CELF6: variants seen among roughly 807,000 people sequenced by gnomAD.
CELF6 encodes CUGBP Elav-like family member 6, also known as Bruno -like 6, RNA binding protein.
A neutral mutation model predicts 53.1 loss-of-function variants in CELF6; 32 were observed. The ratio of observed to expected loss-of-function variants is 0.60; its 90% confidence interval spans 0.46 to 0.81. The LOEUF (loss-of-function observed/expected upper bound fraction) is 0.81, where lower values mean the gene tolerates loss of function less well. Among genes scored for constraint, CELF6 ranks in the 30% least tolerant of loss-of-function variants. The pLI is 0.00. For missense variants in CELF6, 539 were observed against 669.5 expected (o/e 0.81, Z 2.15); for synonymous variants, 291 against 288.8 (o/e 1.01, Z -0.08).
chr15:72,299,691 T>A (rs1324137152), intron 3 of CELF6, among the ~76,000 whole-genome samples: 1 of 152,210 alleles, frequency 6.6e-6, no homozygotes, highest in Non-Finnish European at 1.5e-5. Flanking sequence ...ACTATGTGTA[T>A]TTAATGTATG....
intron 12 of CELF6, among the ~76,000 whole-genome samples, 167 bp from the exon 13 acceptor site, chr15:72,286,509 C>CCGT (rs1264541782): frequency 1.3e-5 from 2 of 152,192 alleles, no homozygotes; most frequent in African/African-American, 4.8e-5. Flanking sequence ...GGCAGCAGCC[C>CCGT]CGTCCACTGA....
At chr15:72,304,267 G>T (rs2088195844) in intron 3 of CELF6, among the ~76,000 whole-genome samples, 1 of 152,094 alleles carries the variant, frequency 6.6e-6, no homozygotes, top group Non-Finnish European at 1.5e-5. Flanking sequence ...ACTTACTATG[G>T]CCCATAAAGT....
intron 3 of CELF6, among the ~76,000 whole-genome samples, chr15:72,304,195 G>T (rs2088194932): frequency 6.6e-6 from 1 of 152,106 alleles, no homozygotes; most frequent in Non-Finnish European, 1.5e-5. Flanking sequence ...AAGGAGCTCT[G>T]TTTTTTCTCT....
intron 3 of CELF6, 105 bp from the exon 4 acceptor site, chr15:72,290,360 G>GCTTCC: frequency 7.3e-7 from 1 of 1,373,254 alleles, no homozygotes; most frequent in Non-Finnish European, 9.8e-7. Flanking sequence ...ACTCTGGGAA[G>GCTTCC]CAGAGGGAGT....
chr15:72,304,272 T>C (rs1259585937), intron 3 of CELF6, among the ~76,000 whole-genome samples: 1 of 152,174 alleles, frequency 6.6e-6, no homozygotes, highest in African/African-American at 2.4e-5. Flanking sequence ...CTATGGCCCA[T>C]AAAGTCTGTC....
At chr15:72,316,317 C>T (rs1468297475) in intron 1 of CELF6, among the ~76,000 whole-genome samples, 3 of 152,208 alleles carry the variant, frequency 2.0e-5, no homozygotes, top group African/African-American at 2.4e-5. Context: ...CATGGAGTCT[C>T]CCAGGATCAG....
chr15:72,314,237 G>C (rs950435086), intron 2 of CELF6, among the ~76,000 whole-genome samples: 5 of 152,198 alleles, frequency 3.3e-5, no homozygotes, highest in African/African-American at 1.2e-4. Context: ...CCAATTCAGA[G>C]AAGTGACTTC....
chr15:72,293,301 G>A (rs1408767469), intron 3 of CELF6, among the ~76,000 whole-genome samples: 1 of 152,182 alleles, frequency 6.6e-6, no homozygotes, highest in Non-Finnish European at 1.5e-5. Flanking sequence ...CGGCCAAAGA[G>A]AAGTACATGC....
Position 72,289,865 on chromosome 15 carries a change from C to T in CELF6, c.603+74G>A. ...CCCATCAGGTCCTTTCGCGGGGCAC[C>T]GAGCACACTCGGGGAGGAGAAGCCC... On this transcript the variant is annotated intron_variant, in intron 5 of 12. Transcript: ENST00000287202. This position sits in a 1 kb window ranked among gnomAD's most constrained non-coding sequence, Gnocchi z 7.6. 1 of 1,513,092 alleles carries T rather than the reference C, an allele frequency of 6.6e-7. No individual in the cohort carries two copies. Among genetic ancestry groups the T allele is most frequent in the Non-Finnish European group, 8.8e-7 (1 of 1,133,288 alleles). The allele number at this position is 1,513,092 out of a possible 1,614,324, so 93.7% of individuals were successfully genotyped here.
In CELF6 at chr15:72,289,737, C is replaced by T; in HGVS notation, c.637G>A (p.Asp213Asn). 4.8e-6 allele frequency: 7 copies of T among 1,469,160 alleles called. No homozygotes were observed. The highest frequency in any genetic ancestry group is 1.4e-5 in the South Asian group (1 of 73,828). 91.0% of individuals were successfully genotyped at this position (1,469,160 alleles called of 1,614,324 possible). The part of the protein sequence containing the change: ...ASSSLVVKLA[D>N]TDRERALRRM... Reference sequence around the variant, plus strand: ...CGCAGCGCGCGCTCCCGGTCGGTGTCCGCCAGCTTGACCACGAGGCTGGAC... The same window carrying T: ...CGCAGCGCGCGCTCCCGGTCGGTGTTCGCCAGCTTGACCACGAGGCTGGAC... The change falls in exon 6 of 13, where the codon GAC (aspartate) becomes AAC (asparagine). Residue 213 changes from aspartate (D) to asparagine (N), a missense_variant. Asp to Asn is a conservative substitution (Grantham distance 23). Coordinates refer to ENST00000287202, the MANE Select transcript of CELF6 (RefSeq NM_052840.5). This position sits in a 1 kb window ranked among gnomAD's most constrained non-coding sequence, Gnocchi z 7.6.
At chr15:72,303,565 T>G (rs148831904) in intron 3 of CELF6, among the ~76,000 whole-genome samples, 1 of 152,316 alleles carries the variant, frequency 6.6e-6, no homozygotes, top group Non-Finnish European at 1.5e-5. Flanking sequence ...AATACATGTT[T>G]ATATCAATTG....
intron 3 of CELF6, among the ~76,000 whole-genome samples, chr15:72,303,274 C>T (rs1402260643): frequency 6.6e-6 from 1 of 152,094 alleles, no homozygotes; most frequent in Non-Finnish European, 1.5e-5. Context: ...CAGCCTGGAA[C>T]ATCTCAAAAA....
At chr15:72,287,639 T>C (rs2087940064) in intron 11 of CELF6, among the ~76,000 whole-genome samples, 1 of 152,192 alleles carries the variant, frequency 6.6e-6, no homozygotes, top group East Asian at 1.9e-4. Flanking sequence ...GATGTTTCCG[T>C]GTTTTTCCTG....
chr15:72,298,075 C>G (rs577968187), intron 3 of CELF6, among the ~76,000 whole-genome samples: 1 of 152,318 alleles, frequency 6.6e-6, no homozygotes, highest in African/African-American at 2.4e-5. Context: ...TGTCAACTGA[C>G]TGTGACAGAA....
intron 3 of CELF6, chr15:72,292,347 G>T: frequency 1.0e-6 from 1 of 966,484 alleles, no homozygotes. Context: ...GGGCTCATTT[G>T]GCCAGAGAAT....
At chr15:72,306,320 A>C (rs946574447) in intron 2 of CELF6, 1 of 985,120 alleles carries the variant, frequency 1.0e-6, no homozygotes, top group Non-Finnish European at 1.2e-6. Context: ...ACTGATGCCC[A>C]TCTGGCCTGA....
Position 72,304,777 on chromosome 15 carries a change from T to C in CELF6, c.363A>G (p.Gln121=). Residue 121 remains glutamine, a synonymous_variant, in exon 3 of 13, where the codon CAA becomes CAG. Coordinates refer to ENST00000287202, the MANE Select transcript of CELF6 (RefSeq NM_052840.5). ...GGCCCTCACTGGCAGCTGGCTTCAC[T>C]TGGATCGGACGATTCATCTGAAAGA... ...KTLPGMNRPI[Q]VKPAASEGRG... is the part of the protein sequence containing the mutation. The C allele has an allele frequency of 6.2e-7, 1 of 1,614,172 alleles. No individual in the cohort carries two copies. Among genetic ancestry groups the C allele is most frequent in the African/African-American group, 1.3e-5 (1 of 75,048 alleles).
intron 2 of CELF6, among the ~76,000 whole-genome samples, chr15:72,314,025 G>T (rs549248144): frequency 2.0e-4 from 30 of 152,188 alleles, no homozygotes; most frequent in African/African-American, 7.2e-4. Flanking sequence ...TGAGTGGTGG[G>T]CCTGGATCCA....
intron 2 of CELF6, among the ~76,000 whole-genome samples, chr15:72,311,619 G>A (rs2088298437): frequency 6.6e-6 from 1 of 151,130 alleles, no homozygotes; most frequent in Non-Finnish European, 1.5e-5. Flanking sequence ...AGCCAGGATG[G>A]TCTCAATCTC....
Sources: gnomAD v4.1 joint callset for allele counts (sites outside exome capture counted in the v4.1 genomes callset) on GRCh38, gnomAD v4.1.1 for gene constraint, Gnocchi (gnomAD v3.1) non-coding constraint, MANE v1.5 for transcripts, NCBI Gene and HGNC (gene_info 2026-07-23, HGNC 2026-07-21) for gene names.